The following RAPGEF5 variants were observed in gnomAD, a reference collection of about 807,000 sequenced individuals.
RAPGEF5 encodes the protein M-Ras-regulated GEF.
RAPGEF5 carries 65 observed loss-of-function variants against 125.2 expected under a neutral mutation model. That is an observed-to-expected ratio of 0.52 (90% confidence interval 0.43 to 0.64). The LOEUF (loss-of-function observed/expected upper bound fraction) is 0.64, where lower values mean the gene tolerates loss of function less well. Among genes scored for constraint, RAPGEF5 ranks in the 30% least tolerant of loss-of-function variants. The probability of loss-of-function intolerance (pLI) is 0.00; values close to 1 mark genes in which losing one functional copy is unlikely to be tolerated. For missense variants in RAPGEF5, 958 were observed against 1,048.1 expected (o/e 0.91, Z 1.19); for synonymous variants, 391 against 385.9 (o/e 1.01, Z -0.16).
At chr7:22,190,800 C>CA (rs1277406318) in intron 11 of RAPGEF5, among the ~76,000 whole-genome samples, 1 of 152,078 alleles carries the variant, frequency 6.6e-6, no homozygotes, top group Non-Finnish European at 1.5e-5. Flanking sequence ...CTGATGGGTC[C>CA]AAAAATGTAA....
chr7:22,167,035 A>G (rs772128749), intron 12 of RAPGEF5, 35 bp downstream of exon 12: 66 of 1,537,338 alleles, frequency 4.3e-5, no homozygotes, highest in Non-Finnish European at 6.3e-6. Flanking sequence ...TCTGAGAGGA[A>G]GTGGACACAG....
intron 16 of RAPGEF5, among the ~76,000 whole-genome samples, chr7:22,156,266 G>T (rs10255486): frequency 0.98 from 148,770 of 152,350 alleles, 72,648 homozygotes; most frequent in East Asian, 0.99. Context: ...AAAACCACTG[G>T]TAATATTTCT....
rs1182598646 is a variant in RAPGEF5 at position 22,286,404 on chromosome 7, C to T, written c.747+4771G>A. Among the ~76,000 whole-genome samples the T allele has an allele frequency of 1.3e-5, 2 of 152,194 alleles. 1 individual carries two copies. Among genetic ancestry groups the T allele is most frequent in the East Asian group, 3.8e-4 (2 of 5,202 alleles). On this transcript the variant is annotated intron_variant, in intron 6 of 25. Transcript: ENST00000665637. ...AGGTGTTTGACAATTAGACTATGAA[C>T]AAAAGTCACAAATTTCATTCAAACC...
chr7:22,314,622 T>C, intron 3 of RAPGEF5: 1 of 982,454 alleles, frequency 1.0e-6, no homozygotes, highest in Non-Finnish European at 1.2e-6. Flanking sequence ...TTGATGGGTA[T>C]TGCACGTCAT....
intron 13 of RAPGEF5, 49 bp from the exon 14 acceptor site, chr7:22,160,664 T>C (rs1426129777): frequency 2.0e-6 from 3 of 1,499,348 alleles, no homozygotes; most frequent in South Asian, 1.3e-5. Context: ...GCCCATTTTG[T>C]AGGGATTAAG....
Position 22,170,822 on chromosome 7 carries a change from T to C in RAPGEF5, c.1205-3674A>G, listed in dbSNP as rs78413632. Among the ~76,000 whole-genome samples, 989 of 152,290 alleles carry C rather than the reference T, an allele frequency of 6.5e-3. 19 individuals carry two copies. The highest frequency in any genetic ancestry group is 0.023 in the African/African-American group (950 of 41,554). On this transcript the variant is annotated intron_variant, in intron 11 of 25. Coordinates refer to ENST00000665637, the MANE Select transcript of RAPGEF5 (RefSeq NM_012294.5). ...ACAGCATTTACCTAATTATCTGTCATAGAAATATTAATTAAAATAAAAACA... is the reference window on the plus strand; with the variant it reads ...ACAGCATTTACCTAATTATCTGTCACAGAAATATTAATTAAAATAAAAACA...
At chr7:22,267,308 A>T (rs2256891) in intron 6 of RAPGEF5, among the ~76,000 whole-genome samples, 35 of 152,064 alleles carry the variant, frequency 2.3e-4, no homozygotes, top group African/African-American at 8.4e-4. Context: ...CTAAAAAAAA[A>T]CTATATAATA....
chr7:22,125,405 C>G (rs192112793), intron 25 of RAPGEF5, 199 bp downstream of exon 25: 1 of 524,480 alleles, frequency 1.9e-6, no homozygotes, highest in East Asian at 3.4e-5. Flanking sequence ...TAATAATCTG[C>G]CATATCTTGT....
Position 22,146,957 on chromosome 7 carries a change from A to G in RAPGEF5, c.1947T>C (p.Thr649=), listed in dbSNP as rs777837577. 50 of 1,613,670 alleles carry G rather than the reference A, an allele frequency of 3.1e-5. No individual in the cohort carries two copies. The highest frequency in any genetic ancestry group is 4.1e-5 in the Non-Finnish European group (48 of 1,179,794). Reference sequence around the variant, plus strand: ...TCATTAATTCCAGAGCAAGATCCCAAGTGTTCATTCCCAAAATCCTCATCG... The same window carrying G: ...TCATTAATTCCAGAGCAAGATCCCAGGTGTTCATTCCCAAAATCCTCATCG... The part of the protein sequence containing the change: ...QRSMRILGMN[T]WDLALELMNF... The change falls in exon 19 of 26, where the codon ACT becomes ACC. Residue 649 remains threonine (T), a synonymous_variant. Transcript: ENST00000665637.
chr7:22,273,549 GT>G, intron 6 of RAPGEF5, among the ~76,000 whole-genome samples: 1 of 152,296 alleles, frequency 6.6e-6, no homozygotes, highest in Non-Finnish European at 1.5e-5. Context: ...AAATAGACTT[GT>G]TTAATGCAAA....
At chr7:22,356,712 G>A (rs1784427254) in intron 1 of RAPGEF5, 118 bp downstream of exon 1, 3 of 465,638 alleles carry the variant, frequency 6.4e-6, no homozygotes, top group Non-Finnish European at 8.8e-6. Context: ...TCCGGCAGAA[G>A]GGCGTCCCTT....
At chr7:22,316,987 A>C (rs1480406390) in intron 2 of RAPGEF5, among the ~76,000 whole-genome samples, 2 of 151,972 alleles carry the variant, frequency 1.3e-5, no homozygotes, top group South Asian at 2.1e-4. Flanking sequence ...AAAAAAAAAA[A>C]AAAAACAAAG....
rs141235849 is a variant in RAPGEF5, at chr7:22,310,081, G to A, written c.399C>T (p.Cys133=). The change falls in exon 4 of 26, where the codon TGC becomes TGT. Residue 133 remains cysteine (C), a synonymous_variant. Transcript: ENST00000665637. ...VNLKGFYRRS[C]VGSELVDWLL... is the part of the protein sequence containing the mutation. ...GCCAGTCTACCAGCTCTGACCCAACGCAGCTCCTCCTGAACAAAAGCAAAG... is the reference window on the plus strand; with the variant it reads ...GCCAGTCTACCAGCTCTGACCCAACACAGCTCCTCCTGAACAAAAGCAAAG... The A allele has an allele frequency of 4.2e-4, 656 of 1,573,324 alleles. 1 individual carries two copies. In the African/African-American group the frequency reaches 7.1e-3, roughly 17 times the overall value.
chr7:22,211,612 T>A (rs1785507773), intron 9 of RAPGEF5, among the ~76,000 whole-genome samples: 1 of 152,180 alleles, frequency 6.6e-6, no homozygotes, highest in Non-Finnish European at 1.5e-5. Context: ...TAATGTGAAA[T>A]CGACAGAGAG....
chr7:22,324,252 T>C (rs537818858), intron 1 of RAPGEF5, among the ~76,000 whole-genome samples: 2 of 152,248 alleles, frequency 1.3e-5, no homozygotes, highest in African/African-American at 4.8e-5. Flanking sequence ...CAAACTCAAA[T>C]TGAGGGGCAT....
chr7:22,171,586 C>T (rs1433575020), intron 11 of RAPGEF5, among the ~76,000 whole-genome samples: 1 of 152,214 alleles, frequency 6.6e-6, no homozygotes, highest in Non-Finnish European at 1.5e-5. Context: ...GCAACCTCCA[C>T]CTCCCAGATT....
chr7:22,157,742 T>C, intron 15 of RAPGEF5, 113 bp downstream of exon 15: 1 of 1,209,276 alleles, frequency 8.3e-7, no homozygotes, highest in South Asian at 1.3e-5. Flanking sequence ...CGCCCCGCCT[T>C]GTCGTGTTCT....
intron 2 of RAPGEF5, 86 bp from the exon 3 acceptor site, chr7:22,315,562 TATATATTTATATATATTC>T (rs1783571845): frequency 8.2e-6 from 5 of 607,896 alleles, no homozygotes; most frequent in Admixed American, 5.8e-5. Flanking sequence ...TATATATATA[TATATATTTATATATATTC>T]ATATATTTAT....
chr7:22,353,351 T>G (rs1272910974), intron 1 of RAPGEF5, among the ~76,000 whole-genome samples: 1 of 152,208 alleles, frequency 6.6e-6, no homozygotes, highest in African/African-American at 2.4e-5. Flanking sequence ...TTGAGAAAAT[T>G]TGAATATGGA....
Sources: gnomAD v4.1 joint callset for allele counts (sites outside exome capture counted in the v4.1 genomes callset) on GRCh38, gnomAD v4.1.1 for gene constraint, MANE v1.5 for transcripts, NCBI Gene and HGNC (gene_info 2026-07-23, HGNC 2026-07-21) for gene names.